Variants in DYSF observed in about 807,000 individuals in gnomAD.
DYSF encodes dysferlin.
In DYSF, 212 loss-of-function variants were observed where a neutral mutation model predicts 274.9. The ratio of observed to expected loss-of-function variants is 0.77; its 90% CI spans 0.69 to 0.86. DYSF has a LOEUF of 0.86. Ranked by LOEUF, DYSF falls within the 40% of genes least tolerant of loss-of-function variation. DYSF has a pLI of 0.00. For synonymous variants in DYSF, 1,091 were observed against 1,078.7 expected (o/e 1.01, Z -0.22); for missense variants, 2,666 against 2,783.2 (o/e 0.96, Z 0.95).
chr2:71,571,140 C>A (rs1360542874), intron 29 of DYSF, among the ~76,000 whole-genome samples: 16 of 143,476 alleles, frequency 1.1e-4, no homozygotes, highest in Non-Finnish European at 1.5e-4. Flanking sequence ...TCACACCCAG[C>A]GCATGCACAG....
At chr2:71,604,726 G>T (rs1441557455) in intron 36 of DYSF, among the ~76,000 whole-genome samples, 2 of 152,226 alleles carry the variant, frequency 1.3e-5, no homozygotes, top group Admixed American at 6.5e-5. Context: ...TTCAGCTAGC[G>T]CAGCCAGGTG....
intron 1 of DYSF, among the ~76,000 whole-genome samples, chr2:71,469,463 C>A (rs1192369182): frequency 6.6e-6 from 1 of 152,210 alleles, no homozygotes; most frequent in Non-Finnish European, 1.5e-5. Context: ...GGTTGAGAAC[C>A]ACTGAGCCCA....
chr2:71,495,332 C>T (rs1402678414), intron 3 of DYSF, among the ~76,000 whole-genome samples: 1 of 152,198 alleles, frequency 6.6e-6, no homozygotes, highest in Non-Finnish European at 1.5e-5. Context: ...AGCCACGCAG[C>T]TGGTCAGATT....
chr2:71,570,681 A>C lies in DYSF; in HGVS notation c.3168A>C (p.Arg1056=). 4 of 1,614,058 alleles carry C rather than the reference A, an allele frequency of 2.5e-6. No homozygotes were observed. The highest frequency in any genetic ancestry group is 3.4e-6 in the Non-Finnish European group (4 of 1,179,968). ...CTGAGAAGATGTACTACACACACCGACGGCGGCGCTGGGTGCGCCTGCGCA... is the reference window on the plus strand; with the variant it reads ...CTGAGAAGATGTACTACACACACCGCCGGCGGCGCTGGGTGCGCCTGCGCA... ...VPAEKMYYTH[R]RRRWVRLRRR... The change falls in exon 29 of 56, where the codon CGA becomes CGC. Residue 1056 remains arginine, a synonymous_variant. Transcript: ENST00000410020.
At chr2:71,587,913 C>A (rs1015675186) in intron 30 of DYSF, among the ~76,000 whole-genome samples, 2 of 152,196 alleles carry the variant, frequency 1.3e-5, no homozygotes, top group Non-Finnish European at 2.9e-5. Context: ...CTCAGCCTTT[C>A]CCAAGTGTGT....
At chr2:71,593,454 T>C (rs2093329276) in intron 32 of DYSF, among the ~76,000 whole-genome samples, 2 of 152,174 alleles carry the variant, frequency 1.3e-5, no homozygotes, top group Admixed American at 1.3e-4. Context: ...CTTTTTGTTG[T>C]TGGGGTGGGG....
Position 71,655,864 on chromosome 2 carries a change from G to A in DYSF, c.4627-298G>A, listed in dbSNP as rs752051011. 4.2e-4 allele frequency among the ~76,000 whole-genome samples: 64 copies of A among 152,292 alleles called. 1 individual carries two copies. The highest frequency in any genetic ancestry group is 8.4e-4 in the Non-Finnish European group (57 of 68,028). ...GAAAACCCTATTCCCTAACGGAGCT[G>A]AACAAATATCTTTCCTTTTGCTCCC... On this transcript the variant is annotated intron_variant, in intron 42 of 55. Coordinates refer to ENST00000410020, the MANE Select transcript of DYSF (RefSeq NM_001130987.2).
At chr2:71,668,680 TGG>T (rs2095061883) in intron 48 of DYSF, 72 bp from the exon 49 acceptor site, 2 of 1,425,708 alleles carry the variant, frequency 1.4e-6, no homozygotes, top group African/African-American at 2.8e-5. Flanking sequence ...CCTCAGCATC[TGG>T]CCCAGAGCAG....
intron 4 of DYSF, among the ~76,000 whole-genome samples, chr2:71,506,935 G>C (rs2085534609): frequency 6.6e-6 from 1 of 152,102 alleles, no homozygotes; most frequent in Non-Finnish European, 1.5e-5. Context: ...TCATTCAAGG[G>C]CCCAGAGCAA....
Position 71,615,369 on chromosome 2 carries a change from A to G in DYSF, c.4464+1959A>G, listed in dbSNP as rs544985939. Among the ~76,000 whole-genome samples the G allele has an allele frequency of 2.0e-5, 3 of 152,062 alleles. No homozygotes were observed. The highest frequency in any genetic ancestry group is 4.4e-5 in the Non-Finnish European group (3 of 67,988). On this transcript the variant is annotated intron_variant, in intron 40 of 55. Coordinates refer to ENST00000410020, the MANE Select transcript of DYSF (RefSeq NM_001130987.2). The surrounding 1 kb of genome is among the most constrained non-coding windows in gnomAD (Gnocchi z 4.9). ...GGCTGGGCCTCCCCTGGCCTGGGAC[A>G]GGGGAGGAGGAGGAAATGACACTGA...
intron 32 of DYSF, among the ~76,000 whole-genome samples, chr2:71,594,280 G>T (rs1030085029): frequency 6.6e-6 from 1 of 152,246 alleles, no homozygotes; most frequent in South Asian, 2.1e-4. Context: ...GTTAAGGTTG[G>T]CTCTGGCTGG....
chr2:71,454,718 G>A (rs1028030461), intron 1 of DYSF, among the ~76,000 whole-genome samples: 2 of 152,206 alleles, frequency 1.3e-5, no homozygotes, highest in African/African-American at 4.8e-5. Context: ...AGCGGGGGTC[G>A]TATCTGCTTT....
chr2:71,506,363 G>A (rs939490965), intron 4 of DYSF, among the ~76,000 whole-genome samples: 12 of 152,112 alleles, frequency 7.9e-5, no homozygotes, highest in South Asian at 2.1e-4. Context: ...TGCTGATCTC[G>A]TTGATTGTGG....
At chr2:71,519,277 A>G (rs1337701594) in intron 10 of DYSF, among the ~76,000 whole-genome samples, 1 of 152,102 alleles carries the variant, frequency 6.6e-6, no homozygotes, top group East Asian at 1.9e-4. Flanking sequence ...GCTTGAGCCC[A>G]AGTCATTCTG....
chr2:71,628,603 T>C (rs1233221685), intron 41 of DYSF, among the ~76,000 whole-genome samples: 1 of 152,176 alleles, frequency 6.6e-6, no homozygotes, highest in African/African-American at 2.4e-5. Context: ...CTGGCTTCCA[T>C]TGTGCTATTG....
At chr2:71,481,360 T>A (rs1342419223) in intron 2 of DYSF, among the ~76,000 whole-genome samples, 1 of 152,182 alleles carries the variant, frequency 6.6e-6, no homozygotes, top group Non-Finnish European at 1.5e-5. Context: ...CATACATGGC[T>A]CCCGGGTGGT....
rs2094829549 is a variant in DYSF at position 71,659,049 on chromosome 2, C to T, written c.4911+16C>T. On this transcript the variant is annotated intron_variant, in intron 44 of 55. Coordinates refer to ENST00000410020, the MANE Select transcript of DYSF (RefSeq NM_001130987.2). ...CAATGGAAAGGTAACTTTCCTAGAG[C>T]CCTCACCTCCCCCAGAGTAGCAGGC... 1 of 1,614,062 alleles carries T rather than the reference C, an allele frequency of 6.2e-7. No homozygotes were observed. Among genetic ancestry groups the T allele is most frequent in the Non-Finnish European group, 8.5e-7 (1 of 1,179,984 alleles).
At chr2:71,647,167 C>A (rs1378816104) in intron 42 of DYSF, among the ~76,000 whole-genome samples, 1 of 151,926 alleles carries the variant, frequency 6.6e-6, no homozygotes, top group Non-Finnish European at 1.5e-5. Context: ...AACTATCAAG[C>A]AGACAACAAA....
intron 33 of DYSF, 48 bp downstream of exon 33, chr2:71,598,793 G>T: frequency 1.2e-6 from 2 of 1,600,058 alleles, no homozygotes; most frequent in Middle Eastern, 1.7e-4. Flanking sequence ...GAGGGACCAT[G>T]TGCAAAGGTG....
Sources: gnomAD v4.1 joint callset for allele counts (sites outside exome capture counted in the v4.1 genomes callset) on GRCh38, gnomAD v4.1.1 for gene constraint, Gnocchi (gnomAD v3.1) non-coding constraint, MANE v1.5 for transcripts, NCBI Gene and HGNC (gene_info 2026-07-23, HGNC 2026-07-21) for gene names.